Variants in USP53 observed in about 807,000 individuals in gnomAD.
The protein encoded by USP53 is ubiquitin carboxyl-terminal hydrolase 53.
Under a neutral mutation model 94.9 loss-of-function variants are expected in USP53, and 71 were observed. That is an observed-to-expected ratio of 0.75 (90% CI 0.62 to 0.91). USP53 has a LOEUF of 0.91. Among genes scored for constraint, USP53 ranks in the 40% least tolerant of loss-of-function variants. The pLI, the probability that USP53 is intolerant of heterozygous loss-of-function variation, is 0.00. For synonymous variants in USP53, 375 were observed against 422.7 expected (o/e 0.89, Z 1.39); for missense variants, 1,173 against 1,281.0 (o/e 0.92, Z 1.29).
chr4:119,224,155 AC>A (rs1744932728), intron 3 of USP53, among the ~76,000 whole-genome samples: 1 of 152,048 alleles, frequency 6.6e-6, no homozygotes, highest in Admixed American at 6.5e-5. Context: ...GTGTGCCACC[AC>A]ACCCGGCTGA....
intron 4 of USP53, among the ~76,000 whole-genome samples, chr4:119,235,871 C>A (rs1054808204): frequency 6.6e-6 from 1 of 152,158 alleles, no homozygotes; most frequent in Non-Finnish European, 1.5e-5. Flanking sequence ...CACAAACCAT[C>A]CCACATTATA....
At chr4:119,268,037 G>C (rs1751375000) in intron 13 of USP53, among the ~76,000 whole-genome samples, 3 of 152,008 alleles carry the variant, frequency 2.0e-5, no homozygotes. Flanking sequence ...CGCGGTGGCG[G>C]GCGCCTGTAG....
chr4:119,256,408 T>G lies in USP53; in HGVS notation c.487-33T>G, dbSNP rs567040841. On this transcript the variant is annotated intron_variant, in intron 8 of 18. Transcript: ENST00000692078. ...AGATATTGTAGTTCTGTTTTATGAT[T>G]GATAGATTAAACATATGTTTTTACC... 1.8e-5 allele frequency: 29 copies of G among 1,613,438 alleles called. No homozygotes were observed. In the Middle Eastern group the frequency reaches 5.0e-4, roughly 28 times the overall value.
Position 119,239,744 on chromosome 4 carries a change from A to T in USP53, c.-16A>T. The T allele has an allele frequency of 6.3e-7, 1 of 1,599,862 alleles. No individual in the cohort carries two copies. On this transcript the variant is annotated 5_prime_UTR_variant, in exon 5 of 19. Coordinates refer to ENST00000692078, the MANE Select transcript of USP53 (RefSeq NM_001371395.1). ...TGTACAGTTTTTAGCCTAAATGCAA[A>T]CAAAGTTGCTTGAAAATGGCATGGG...
chr4:119,241,385 G>T (rs578001296), intron 5 of USP53, among the ~76,000 whole-genome samples: 39 of 152,060 alleles, frequency 2.6e-4, no homozygotes, highest in Admixed American at 2.4e-3. Flanking sequence ...TTGCTTGAAG[G>T]ATCTTTCTTG....
Position 119,292,504 on chromosome 4 carries a change from A to ATTTTGAGAGAAAATT in USP53, c.2515_2516insTTTTGAGAGAAAATT (p.Thr839delinsIleLeuArgGluAsnSer). ...GCTTAATATAGAAAATTCTGAGAGA[A>ATTTTGAGAGAAAATT]CAGGTTTGCCTTTTCACGTTGATAA... On this transcript the variant is annotated protein_altering_variant, in exon 19 of 19. Coordinates refer to ENST00000692078, the MANE Select transcript of USP53 (RefSeq NM_001371395.1). The ATTTTGAGAGAAAATT allele has an allele frequency of 1.2e-6, 2 of 1,614,038 alleles. No homozygotes were observed. Among genetic ancestry groups the ATTTTGAGAGAAAATT allele is most frequent in the South Asian group, 2.2e-5 (2 of 91,076 alleles).
Position 119,260,561 on chromosome 4 carries a change from A to T in USP53, c.730A>T (p.Ile244Phe). 6.2e-7 allele frequency: 1 copy of T among 1,613,986 alleles called. No individual in the cohort carries two copies. The highest frequency in any genetic ancestry group is 8.5e-7 in the Non-Finnish European group (1 of 1,179,946). ...CCGTGTTTTAATGAATTGCCCAGAG[A>T]TTGTTACAATTGGTTTAGTCTGGGA... ...IRRVLMNCPE[I>F]VTIGLVWDSE... Residue 244 changes from isoleucine (I) to phenylalanine (F), a missense_variant, in exon 11 of 19, where the codon ATT becomes TTT. Coordinates refer to ENST00000692078, the MANE Select transcript of USP53 (RefSeq NM_001371395.1).
At chr4:119,249,659 T>C (rs1289017493) in intron 7 of USP53, among the ~76,000 whole-genome samples, 1 of 103,914 alleles carries the variant, frequency 9.6e-6, no homozygotes, top group East Asian at 2.8e-4. Flanking sequence ...ATTTATGTCC[T>C]ATTTTTTTTT....
chr4:119,278,674 T>G (rs1484765146), intron 17 of USP53, among the ~76,000 whole-genome samples: 2 of 63,560 alleles, frequency 3.1e-5, no homozygotes, highest in African/African-American at 8.7e-5. Flanking sequence ...GAAGTTCTCC[T>G]GGATAATATC....
chr4:119,239,945 C>T, intron 5 of USP53, 42 bp downstream of exon 5: 4 of 1,358,952 alleles, frequency 2.9e-6, no homozygotes, highest in Non-Finnish European at 3.8e-6. Flanking sequence ...AAATACTTTT[C>T]AGAAAATCCT....
chr4:119,227,256 T>TAGACACACACACACACACACACACAC (rs1376598406), intron 3 of USP53, among the ~76,000 whole-genome samples: 1 of 125,080 alleles, frequency 8.0e-6, no homozygotes, highest in Non-Finnish European at 1.6e-5. Context: ...TGTCTAACAC[T>TAGACACACACACACACACACACACAC]ACACACACAC....
chr4:119,291,053 T>G (rs1244807997), intron 17 of USP53, 112 bp from the exon 18 acceptor site: 2 of 426,680 alleles, frequency 4.7e-6, no homozygotes, highest in Non-Finnish European at 7.6e-6. Context: ...GAGATTACCT[T>G]TTATAGAAAG....
At chr4:119,256,406 A>C in intron 8 of USP53, 35 bp from the exon 9 acceptor site, 1 of 1,612,806 alleles carries the variant, frequency 6.2e-7, no homozygotes. Context: ...CTGTTTTATG[A>C]TTGATAGATT....
intron 1 of USP53, among the ~76,000 whole-genome samples, chr4:119,213,528 G>T (rs1271639012): frequency 1.3e-5 from 2 of 151,678 alleles, no homozygotes; most frequent in Non-Finnish European, 2.9e-5. Context: ...TGCAATCTGA[G>T]GATGTTTTGA....
intron 3 of USP53, among the ~76,000 whole-genome samples, chr4:119,230,062 T>C (rs1402503508): frequency 6.6e-6 from 1 of 152,224 alleles, no homozygotes. Context: ...AGAAGCCTAT[T>C]CTGCTTCCAC....
chr4:119,274,225 C>A (rs1752268730), intron 17 of USP53, among the ~76,000 whole-genome samples: 2 of 150,528 alleles, frequency 1.3e-5, no homozygotes, highest in Admixed American at 6.6e-5. Context: ...TTAGGTATAT[C>A]TCCCAGTGCT....
chr4:119,224,207 C>A (rs1457978679), intron 3 of USP53, among the ~76,000 whole-genome samples: 1 of 152,002 alleles, frequency 6.6e-6, no homozygotes, highest in South Asian at 2.1e-4. Flanking sequence ...ACCATTTTGG[C>A]CAGGCTGGTC....
At chr4:119,278,351 C>G (rs1182959286) in intron 17 of USP53, among the ~76,000 whole-genome samples, 1 of 151,168 alleles carries the variant, frequency 6.6e-6, no homozygotes. Flanking sequence ...ATTTCTCCTT[C>G]ACTTATGAAG....
At position 119,236,366 on chromosome 4, in the gene USP53, T is replaced by G. The variant is rs570930407; in HGVS notation, c.-543+955T>G. 1.1e-3 allele frequency among the ~76,000 whole-genome samples: 164 copies of G among 152,382 alleles called. 1 individual carries two copies. The highest frequency in any genetic ancestry group is 0.01 in the Middle Eastern group (3 of 294). ...GTCTCGCCTTGATGTTGATGGCTGC[T>G]GACTGAATCAGGGTGATGGTTGCTG... On this transcript the variant is annotated intron_variant, in intron 4 of 18. Coordinates refer to ENST00000692078, the MANE Select transcript of USP53 (RefSeq NM_001371395.1).
Sources: gnomAD v4.1 joint callset for allele counts (sites outside exome capture counted in the v4.1 genomes callset) on GRCh38, gnomAD v4.1.1 for gene constraint, MANE v1.5 for transcripts, NCBI Gene and HGNC (gene_info 2026-07-23, HGNC 2026-07-21) for gene names.